Variants in CLSTN2 observed in about 807,000 individuals in gnomAD.
The protein encoded by CLSTN2 is calsyntenin 2.
A neutral mutation model predicts 101.2 loss-of-function variants in CLSTN2; 48 were observed. That is an observed-to-expected ratio of 0.47 (90% CI 0.38 to 0.60). The LOEUF (loss-of-function observed/expected upper bound fraction) is 0.60. CLSTN2 is among the 20% of genes least tolerant of loss of function. CLSTN2 has a pLI of 0.00. For synonymous variants in CLSTN2, 481 were observed against 463.6 expected (o/e 1.04, Z -0.48); for missense variants, 1,160 against 1,238.2 (o/e 0.94, Z 0.95).
At position 140,116,550 on chromosome 3, in the gene CLSTN2, A is replaced by C. The variant is rs1385320699; in HGVS notation, c.110-59401A>C. Among the ~76,000 whole-genome samples the C allele has an allele frequency of 2.0e-5, 3 of 152,124 alleles. No individual in the cohort carries two copies. In the East Asian group the frequency reaches 5.8e-4, roughly 29 times the overall value. On this transcript the variant is annotated intron_variant, in intron 1 of 16. Coordinates refer to ENST00000458420, the MANE Select transcript of CLSTN2 (RefSeq NM_022131.3). ...TGGGGTCAGTGAGGCTCCTGTGTGC[A>C]AAATTTAAGGAAGCACTCACCTGCA...
chr3:140,264,375 AATATATAT>A (rs61248635), intron 2 of CLSTN2, among the ~76,000 whole-genome samples: 1,233 of 97,812 alleles, frequency 0.013, 19 homozygotes, highest in Middle Eastern at 0.023. Flanking sequence ...TAATGAATCA[AATATATAT>A]ATATATATAT....
At chr3:140,311,670 A>G (rs1576510492) in intron 2 of CLSTN2, among the ~76,000 whole-genome samples, 2 of 152,004 alleles carry the variant, frequency 1.3e-5, no homozygotes, top group Admixed American at 1.3e-4. Context: ...TAACTCATGT[A>G]ATCATCATGA....
intron 1 of CLSTN2, among the ~76,000 whole-genome samples, chr3:139,986,593 C>T (rs1181428780): frequency 6.6e-6 from 1 of 152,228 alleles, no homozygotes; most frequent in African/African-American, 2.4e-5. Flanking sequence ...CGTTCTCCTT[C>T]CACCCAGATT....
At chr3:140,092,297 G>T (rs143633596) in intron 1 of CLSTN2, among the ~76,000 whole-genome samples, 65 of 152,336 alleles carry the variant, frequency 4.3e-4, no homozygotes, top group African/African-American at 1.6e-3. Flanking sequence ...CAGGAAAAAA[G>T]TGAGCCTCTT....
intron 1 of CLSTN2, among the ~76,000 whole-genome samples, chr3:139,994,478 G>T (rs372005645): frequency 4.6e-5 from 7 of 152,274 alleles, no homozygotes; most frequent in African/African-American, 1.7e-4. Context: ...TCACTCCACT[G>T]CCCTGGGCCA....
intron 1 of CLSTN2, among the ~76,000 whole-genome samples, chr3:140,151,842 A>G (rs1414897838): frequency 2.6e-5 from 4 of 152,228 alleles, no homozygotes; most frequent in African/African-American, 9.6e-5. Flanking sequence ...TGGCCTAAGC[A>G]GTGGGGGTAG....
intron 2 of CLSTN2, among the ~76,000 whole-genome samples, chr3:140,376,854 A>G (rs2087923345): frequency 6.6e-6 from 1 of 152,170 alleles, no homozygotes; most frequent in Non-Finnish European, 1.5e-5. Context: ...GTTTGTCTTG[A>G]TGAAGTCTTA....
chr3:140,188,729 T>C (rs2010516445), intron 2 of CLSTN2, among the ~76,000 whole-genome samples: 1 of 152,192 alleles, frequency 6.6e-6, no homozygotes, highest in Non-Finnish European at 1.5e-5. Context: ...TATTTTGAGG[T>C]AATTACAGAT....
At chr3:140,533,710 C>CAAAAA (rs71627883) in intron 9 of CLSTN2, among the ~76,000 whole-genome samples, 16 of 58,814 alleles carry the variant, frequency 2.7e-4, no homozygotes, top group African/African-American at 6.5e-4. Flanking sequence ...GACTCCATCT[C>CAAAAA]AAAAAAAAAA....
intron 1 of CLSTN2, among the ~76,000 whole-genome samples, chr3:139,960,671 C>T (rs779711416): frequency 8.5e-5 from 13 of 152,190 alleles, no homozygotes; most frequent in Non-Finnish European, 1.3e-4. Flanking sequence ...TGATGCACTG[C>T]GTGCTGCACC....
chr3:140,180,162 C>T (rs573263655), intron 2 of CLSTN2, among the ~76,000 whole-genome samples: 10 of 152,286 alleles, frequency 6.6e-5, no homozygotes, highest in South Asian at 4.1e-4. Context: ...AATAAATTTG[C>T]GTTTCCTATT....
intron 1 of CLSTN2, among the ~76,000 whole-genome samples, chr3:140,014,195 G>A (rs1267594515): frequency 6.6e-6 from 1 of 152,058 alleles, no homozygotes; most frequent in Admixed American, 6.6e-5. Flanking sequence ...GTGATGGCAG[G>A]GAGGATGCAA....
At chr3:140,412,119 G>T (rs985761082) in intron 4 of CLSTN2, among the ~76,000 whole-genome samples, 1 of 152,190 alleles carries the variant, frequency 6.6e-6, no homozygotes, top group African/African-American at 2.4e-5. Flanking sequence ...GGGTTCAAGT[G>T]ATTCACCTGC....
intron 1 of CLSTN2, among the ~76,000 whole-genome samples, chr3:140,143,246 G>C (rs1052961440): frequency 5.3e-5 from 8 of 152,164 alleles, no homozygotes; most frequent in Non-Finnish European, 1.2e-4. Context: ...TGTGTGTGTG[G>C]TGTGAAGAGA....
intron 2 of CLSTN2, among the ~76,000 whole-genome samples, chr3:140,206,998 T>C (rs1308420832): frequency 6.6e-6 from 1 of 152,098 alleles, no homozygotes; most frequent in Non-Finnish European, 1.5e-5. Flanking sequence ...GGTTCCCTCT[T>C]TTTCCTGTAG....
chr3:140,399,737 G>A (rs1418513072), intron 2 of CLSTN2, among the ~76,000 whole-genome samples: 3 of 151,450 alleles, frequency 2.0e-5, no homozygotes, highest in South Asian at 2.1e-4. Flanking sequence ...CTTAGATTCC[G>A]TGGGTGCATA....
At chr3:140,547,046 C>A (rs1935607602) in intron 10 of CLSTN2, among the ~76,000 whole-genome samples, 1 of 152,128 alleles carries the variant, frequency 6.6e-6, no homozygotes, top group African/African-American at 2.4e-5. Flanking sequence ...TGCAAGGATG[C>A]ACATAAAAAG....
rs1207129092 is a variant in CLSTN2 at position 140,369,594 on chromosome 3, A to G, written c.233-34035A>G. Among the ~76,000 whole-genome samples the G allele has an allele frequency of 3.9e-5, 6 of 152,100 alleles. No homozygotes were observed. In the South Asian group the frequency reaches 1.0e-3, roughly 26 times the overall value. On this transcript the variant is annotated intron_variant, in intron 2 of 16. Transcript: ENST00000458420. ...TAATTTGTTAAAAAAAAATGAAGAT[A>G]TGCCAACATGGTCCTTTCAACTTCT... is the stretch of plus-strand genomic sequence containing the variant.
At chr3:140,470,713 G>A (rs973572923) in intron 8 of CLSTN2, among the ~76,000 whole-genome samples, 15 of 152,190 alleles carry the variant, frequency 9.9e-5, no homozygotes, top group Admixed American at 9.8e-4. Flanking sequence ...TTAGAGATGG[G>A]CAAATATAGG....
Sources: allele counts gnomAD v4.1 joint callset (sites outside exome capture counted in the v4.1 genomes callset), GRCh38; gene constraint gnomAD v4.1.1; transcripts MANE v1.5; gene names NCBI Gene and HGNC (gene_info 2026-07-23, HGNC 2026-07-21).